PTPRD: variants seen among roughly 807,000 people sequenced by gnomAD.
The protein encoded by PTPRD is protein tyrosine phosphatase receptor type D.
Under a neutral mutation model 214.5 loss-of-function variants are expected in PTPRD, and 34 were observed. That is an observed-to-expected ratio of 0.16 (90% confidence interval 0.12 to 0.21). The LOEUF (loss-of-function observed/expected upper bound fraction) is 0.21. Ranked by LOEUF, PTPRD falls within the 10% of genes least tolerant of loss-of-function variation. The pLI is 1.00. For missense variants in PTPRD, 2,545 were observed against 2,398.7 expected (o/e 1.06, Z -1.27); for synonymous variants, 1,128 against 845.7 (o/e 1.33, Z -5.79).
At chr9:8,598,019 T>C (rs1178798793) in intron 14 of PTPRD, among the ~76,000 whole-genome samples, 1 of 152,154 alleles carries the variant, frequency 6.6e-6, no homozygotes, top group Non-Finnish European at 1.5e-5. Context: ...CTAAAGAAGA[T>C]AGGGGTCTTT....
intron 12 of PTPRD, among the ~76,000 whole-genome samples, chr9:8,706,456 G>GT (rs762673884): frequency 6.6e-6 from 1 of 152,128 alleles, no homozygotes; most frequent in African/African-American, 2.4e-5. Context: ...AGTGTTCATG[G>GT]TTTTGCCAAT....
chr9:9,994,669 G>A (rs370269518), intron 4 of PTPRD, among the ~76,000 whole-genome samples: 21 of 152,166 alleles, frequency 1.4e-4, no homozygotes, highest in East Asian at 5.8e-4. Flanking sequence ...ATGAAATGTC[G>A]AGTTTATACT....
chr9:10,093,167 T>C (rs1310775291), intron 3 of PTPRD, among the ~76,000 whole-genome samples: 2 of 151,368 alleles, frequency 1.3e-5, no homozygotes, highest in Non-Finnish European at 3.0e-5. Context: ...ACAGAAAACC[T>C]ACAAAATGAG....
At chr9:9,781,856 A>G (rs926681019) in intron 5 of PTPRD, among the ~76,000 whole-genome samples, 4 of 150,880 alleles carry the variant, frequency 2.7e-5, no homozygotes, top group Non-Finnish European at 5.9e-5. Context: ...GCAGTGGCGC[A>G]ATCTCGGCTC....
chr9:10,394,073 T>C (rs2382206), intron 2 of PTPRD, among the ~76,000 whole-genome samples: 45 of 143,646 alleles, frequency 3.1e-4, no homozygotes, highest in African/African-American at 9.6e-4. Context: ...TATATATATA[T>C]ATAGAGAGAG....
chr9:9,349,458 C>T (rs755261702), intron 9 of PTPRD, among the ~76,000 whole-genome samples: 38 of 152,174 alleles, frequency 2.5e-4, no homozygotes, highest in Middle Eastern at 3.4e-3. Context: ...AAGAAGATTG[C>T]TGCCACAGGT....
intron 2 of PTPRD, among the ~76,000 whole-genome samples, chr9:10,347,455 G>T (rs2097105732): frequency 7.0e-6 from 1 of 143,320 alleles, no homozygotes; most frequent in Non-Finnish European, 1.5e-5. Flanking sequence ...TTATTGCCCA[G>T]GCTGGAGTGC....
chr9:8,924,147 A>C (rs1278159699), intron 11 of PTPRD, among the ~76,000 whole-genome samples: 1 of 152,192 alleles, frequency 6.6e-6, no homozygotes, highest in Non-Finnish European at 1.5e-5. Context: ...GCACTCACTC[A>C]TCACACCTAT....
At chr9:8,983,434 G>C (rs756943196) in intron 11 of PTPRD, among the ~76,000 whole-genome samples, 29 of 151,970 alleles carry the variant, frequency 1.9e-4, no homozygotes, top group Non-Finnish European at 2.6e-4. Flanking sequence ...CTCAACCCGA[G>C]TTAGTGTTCA....
chr9:9,416,793 A>C (rs2077124197), intron 8 of PTPRD, among the ~76,000 whole-genome samples: 2 of 152,320 alleles, frequency 1.3e-5, no homozygotes, highest in South Asian at 2.1e-4. Flanking sequence ...TCAAAGTCAC[A>C]TGGTGACTAG....
intron 2 of PTPRD, among the ~76,000 whole-genome samples, chr9:10,460,634 T>C (rs1344011415): frequency 2.0e-5 from 3 of 152,134 alleles, no homozygotes; most frequent in Non-Finnish European, 1.5e-5. Flanking sequence ...GGACAATGTC[T>C]TCAATAAATT....
At chr9:9,878,212 G>A (rs2067486961) in intron 5 of PTPRD, among the ~76,000 whole-genome samples, 1 of 152,082 alleles carries the variant, frequency 6.6e-6, no homozygotes, top group Non-Finnish European at 1.5e-5. Flanking sequence ...ACCTGAGAAA[G>A]TATCACGCAG....
At chr9:9,374,060 A>G (rs985935132) in intron 9 of PTPRD, among the ~76,000 whole-genome samples, 2 of 152,104 alleles carry the variant, frequency 1.3e-5, no homozygotes, top group African/African-American at 4.8e-5. Context: ...ATAAATTAAG[A>G]AAAATGGTAC....
chr9:9,302,907 G>A (rs1256168826), intron 9 of PTPRD, among the ~76,000 whole-genome samples: 1 of 151,798 alleles, frequency 6.6e-6, no homozygotes, highest in African/African-American at 2.4e-5. Flanking sequence ...ACCCTGCACA[G>A]ACATTTTTGC....
chr9:9,613,668 T>G (rs1445923715), intron 7 of PTPRD, among the ~76,000 whole-genome samples: 4 of 152,198 alleles, frequency 2.6e-5, no homozygotes, highest in African/African-American at 9.6e-5. Flanking sequence ...CATTTTTCTC[T>G]TACTCATTTC....
chr9:9,450,863 C>T (rs1461076948), intron 8 of PTPRD, among the ~76,000 whole-genome samples: 3 of 150,440 alleles, frequency 2.0e-5, no homozygotes, highest in African/African-American at 7.3e-5. Context: ...TAAATCTTTC[C>T]AAATTGAATG....
At chr9:9,851,619 A>G (rs1310646796) in intron 5 of PTPRD, among the ~76,000 whole-genome samples, 3 of 152,174 alleles carry the variant, frequency 2.0e-5, no homozygotes, top group Non-Finnish European at 4.4e-5. Context: ...ATTCATTTAT[A>G]ATTTCACTGG....
chr9:10,381,069 A>T (rs1565665386), intron 2 of PTPRD, among the ~76,000 whole-genome samples: 1 of 151,880 alleles, frequency 6.6e-6, no homozygotes, highest in East Asian at 1.9e-4. Context: ...CTATTAATTC[A>T]ACTAAAATAT....
At chr9:9,157,180 G>A (rs551709302) in intron 10 of PTPRD, among the ~76,000 whole-genome samples, 37 of 152,048 alleles carry the variant, frequency 2.4e-4, no homozygotes, top group African/African-American at 3.1e-4. Flanking sequence ...CAGAAAAGAC[G>A]AAATATCTCA....
Sources: allele counts gnomAD v4.1 joint callset (sites outside exome capture counted in the v4.1 genomes callset), GRCh38; gene constraint gnomAD v4.1.1; transcripts MANE v1.5; gene names NCBI Gene and HGNC (gene_info 2026-07-23, HGNC 2026-07-21).